Variants in RIC3 observed in about 807,000 individuals in gnomAD.
The protein encoded by RIC3 is protein RIC-3.
Under a neutral mutation model 27.3 loss-of-function variants are expected in RIC3, and 28 were observed. The observed-to-expected ratio is 1.02, with a 90% CI of 0.76 to 1.41. The LOEUF is 1.41. RIC3 is among the 40% of genes most tolerant of loss of function. The pLI is 0.00. For missense variants in RIC3, 501 were observed against 444.7 expected (o/e 1.13, Z -1.14); for synonymous variants, 184 against 160.4 (o/e 1.15, Z -1.11).
intron 5 of RIC3, among the ~76,000 whole-genome samples, chr11:8,113,734 T>G (rs898498635): frequency 1.2e-4 from 19 of 152,252 alleles, no homozygotes; most frequent in Admixed American, 1.1e-3. Flanking sequence ...ACTGCCCCTA[T>G]GGACCTAGGT....
chr11:8,121,053 T>C (rs1159587005), intron 5 of RIC3, among the ~76,000 whole-genome samples: 1 of 152,204 alleles, frequency 6.6e-6, no homozygotes, highest in Non-Finnish European at 1.5e-5. Flanking sequence ...ATGCTATATA[T>C]GAGACAGTGG....
intron 4 of RIC3, among the ~76,000 whole-genome samples, chr11:8,128,543 T>A (rs1418532715): frequency 1.3e-5 from 2 of 152,166 alleles, no homozygotes; most frequent in African/African-American, 4.8e-5. Context: ...TTTCATGGAT[T>A]CCTTATCATC....
At chr11:8,093,166 G>A in the RIC3 span, among the ~76,000 whole-genome samples, 8 of 152,118 alleles carry the variant, frequency 5.3e-5, no homozygotes, top group Admixed American at 4.6e-4. Flanking sequence ...CTGCTCTGAC[G>A]AGGGAGGCAG....
chr11:8,101,855 T>A, downstream of RIC3: 6 of 475,796 alleles, frequency 1.3e-5, no homozygotes, highest in East Asian at 3.8e-5. Flanking sequence ...ATTCTTTCCA[T>A]GCCACGAGAT....
intron 1 of RIC3, among the ~76,000 whole-genome samples, chr11:8,159,687 A>T (rs1951000684): frequency 6.6e-6 from 1 of 152,102 alleles, no homozygotes; most frequent in African/African-American, 2.4e-5. Flanking sequence ...AAATAATTTG[A>T]CCTATCAAGA....
intron 5 of RIC3, among the ~76,000 whole-genome samples, chr11:8,115,504 T>C (rs1244319011): frequency 6.6e-6 from 1 of 151,552 alleles, no homozygotes; most frequent in African/African-American, 2.4e-5. Context: ...CAAATATACA[T>C]ATATATATAT....
At chr11:8,165,099 C>G (rs1951560689) in intron 1 of RIC3, among the ~76,000 whole-genome samples, 1 of 152,122 alleles carries the variant, frequency 6.6e-6, no homozygotes. Context: ...TCTGGCAGTT[C>G]CTCAAAAGGT....
intron 1 of RIC3, among the ~76,000 whole-genome samples, chr11:8,167,134 T>C (rs1951764884): frequency 6.6e-6 from 1 of 152,146 alleles, no homozygotes; most frequent in African/African-American, 2.4e-5. Context: ...ACAGTATTGG[T>C]AGCTTAATAA....
Position 8,126,815 on chromosome 11 carries a change from A to G in RIC3, c.522-8T>C, listed in dbSNP as rs1371603315. 6 of 1,613,866 alleles carry G rather than the reference A, an allele frequency of 3.7e-6. No homozygotes were observed. The East Asian group carries it at 6.7e-5, about 18-fold the overall frequency. On this transcript the variant is annotated splice_region_variant and splice_polypyrimidine_tract_variant and intron_variant, in intron 4 of 5. Coordinates refer to ENST00000309737, the MANE Select transcript of RIC3 (RefSeq NM_001206671.4). ...GTCACAGTCTGTGCTCTGCTTAGAA[A>G]TATCAGACAATCCAACCATTTAGTG...
At chr11:8,153,847 T>G (rs764994857) in intron 1 of RIC3, among the ~76,000 whole-genome samples, 3 of 152,224 alleles carry the variant, frequency 2.0e-5, no homozygotes, top group Non-Finnish European at 4.4e-5. Context: ...TTTCCTTTCT[T>G]TGTAGATTCA....
chr11:8,108,780 T>C lies in RIC3; in HGVS notation c.*1918A>G, dbSNP rs934855688. The C allele has an allele frequency of 5.3e-5, 8 of 152,180 alleles. No homozygotes were observed. The highest frequency in any genetic ancestry group is 9.7e-5 in the African/African-American group (4 of 41,444). 9.4% of individuals were successfully genotyped at this position (152,180 alleles called of 1,614,324 possible). ...GTTCCTAGCACCTGGCACTGAGCAA[T>C]TGACTGCTAAATGAATGAATGAGCT... is the stretch of plus-strand genomic sequence containing the variant. On this transcript the variant is annotated 3_prime_UTR_variant, in exon 6 of 6. Transcript: ENST00000309737.
At chr11:8,148,534 A>G (rs1949938438) in intron 1 of RIC3, among the ~76,000 whole-genome samples, 1 of 152,234 alleles carries the variant, frequency 6.6e-6, no homozygotes, top group Non-Finnish European at 1.5e-5. Flanking sequence ...CAAATCTGGC[A>G]TAAAACAAAA....
At chr11:8,139,624 G>C (rs895929389) in intron 2 of RIC3, 1 of 229,040 alleles carries the variant, frequency 4.4e-6, no homozygotes, top group African/African-American at 2.4e-5. Context: ...TTTTCGGCCT[G>C]TAAAGATGTT....
chr11:8,103,351 C>T (rs563423924), downstream of RIC3: 1 of 152,098 alleles, frequency 6.6e-6, no homozygotes, highest in Non-Finnish European at 1.5e-5. Flanking sequence ...AGGGGTCGTA[C>T]CTTGCTTTAG....
the RIC3 span, chr11:8,100,394 G>A: frequency 1.2e-5 from 10 of 836,580 alleles, no homozygotes; most frequent in South Asian, 5.9e-5. Flanking sequence ...GTTAGACTTC[G>A]GAGTGGAGAT....
intron 1 of RIC3, among the ~76,000 whole-genome samples, chr11:8,146,013 T>A (rs1046537675): frequency 1.3e-5 from 2 of 152,218 alleles, no homozygotes; most frequent in Admixed American, 6.5e-5. Context: ...TATGATCCAA[T>A]GATCCCACTC....
At position 8,110,429 on chromosome 11, in the gene RIC3, C is replaced by T. The variant is rs999631816; in HGVS notation, c.*269G>A. 1 of 537,308 alleles carries T rather than the reference C, an allele frequency of 1.9e-6. No individual in the cohort carries two copies. The highest frequency in any genetic ancestry group is 1.9e-5 in the African/African-American group (1 of 52,610). 33.3% of individuals were successfully genotyped at this position (537,308 alleles called of 1,614,324 possible). On this transcript the variant is annotated 3_prime_UTR_variant, in exon 6 of 6. Transcript: ENST00000309737. ...CCATCTGTAATTACAATAGACCAAACATAATTACTTAATGGATCAACTTCT... is the reference window on the plus strand; with the variant it reads ...CCATCTGTAATTACAATAGACCAAATATAATTACTTAATGGATCAACTTCT...
the RIC3 span, among the ~76,000 whole-genome samples, chr11:8,094,874 T>A: frequency 5.9e-5 from 9 of 152,242 alleles, no homozygotes; most frequent in Non-Finnish European, 1.0e-4. Context: ...GGCCGAGCAC[T>A]CTGGGCATAG....
At chr11:8,114,459 A>C (rs1343587338) in intron 5 of RIC3, among the ~76,000 whole-genome samples, 1 of 152,050 alleles carries the variant, frequency 6.6e-6, no homozygotes, top group East Asian at 1.9e-4. Flanking sequence ...ACAAAAAATT[A>C]GCCGGGCGTG....
Sources: allele counts gnomAD v4.1 joint callset (sites outside exome capture counted in the v4.1 genomes callset), GRCh38; gene constraint gnomAD v4.1.1; transcripts MANE v1.5; gene names NCBI Gene and HGNC (gene_info 2026-07-23, HGNC 2026-07-21).